SYT2: variants seen among roughly 807,000 people sequenced by gnomAD.
SYT2 encodes synaptotagmin-2.
In SYT2, 15 loss-of-function variants were observed where a neutral mutation model predicts 39.9. The ratio of observed to expected loss-of-function variants is 0.38; its 90% confidence interval spans 0.25 to 0.58. The LOEUF (loss-of-function observed/expected upper bound fraction) is 0.58, where lower values mean the gene tolerates loss of function less well. Ranked by LOEUF, SYT2 falls within the 20% of genes least tolerant of loss-of-function variation. The pLI is 0.70. For synonymous variants in SYT2, 181 were observed against 204.5 expected, an observed-to-expected ratio of 0.89 and a Z score of 0.98; for missense variants, 389 against 530.3, an observed-to-expected ratio of 0.73 and a Z score of 2.62.
intron 8 of SYT2, 86 bp from the exon 9 acceptor site, chr1:202,597,049 A>G (rs1345288941): frequency 1.8e-5 from 22 of 1,232,096 alleles, no homozygotes; most frequent in Admixed American, 3.8e-5. Flanking sequence ...TCTACTCCCA[A>G]TGATTGGGAA....
At chr1:202,684,687 G>A (rs1298735073) in intron 1 of SYT2, among the ~76,000 whole-genome samples, 2 of 152,124 alleles carry the variant, frequency 1.3e-5, no homozygotes, top group African/African-American at 4.8e-5. Context: ...GCTCCAATGT[G>A]CCCCTCACCC....
chr1:202,624,987 TGTG>T (rs1294863090), intron 1 of SYT2, among the ~76,000 whole-genome samples: 3 of 106,094 alleles, frequency 2.8e-5, no homozygotes, highest in Non-Finnish European at 5.8e-5. Flanking sequence ...GTGTGTGTAG[TGTG>T]GTGTGTGTCT....
At position 202,624,002 on chromosome 1, in the gene SYT2, A is replaced by C. The variant is rs1691272422; in HGVS notation, c.-17-18213T>G. Among the ~76,000 whole-genome samples the C allele has an allele frequency of 2.0e-5, 3 of 152,144 alleles. No homozygotes were observed. The South Asian group carries it at 6.2e-4, about 31-fold the overall frequency. ...GCTACAAACTGTTACAAATTGATGC[A>C]TTTTCTTTCTGACTAAATGTTACAA... On this transcript the variant is annotated intron_variant, in intron 1 of 8. Transcript: ENST00000367268.
chr1:202,677,377 C>T (rs1443138723), intron 1 of SYT2, among the ~76,000 whole-genome samples: 1 of 152,154 alleles, frequency 6.6e-6, no homozygotes, highest in South Asian at 2.1e-4. Flanking sequence ...ATGACTAAGG[C>T]TAGGTAATGA....
chr1:202,671,349 G>A (rs559943859), intron 1 of SYT2, among the ~76,000 whole-genome samples: 1 of 152,302 alleles, frequency 6.6e-6, no homozygotes, highest in African/African-American at 2.4e-5. Context: ...ACAGCACCAG[G>A]GCAGCCAACT....
intron 1 of SYT2, among the ~76,000 whole-genome samples, chr1:202,626,607 T>C (rs1325046271): frequency 1.3e-5 from 2 of 151,720 alleles, no homozygotes; most frequent in Non-Finnish European, 2.9e-5. Context: ...GCTCAAGCAA[T>C]TCACCTGCCT....
intron 1 of SYT2, chr1:202,632,706 C>T (rs1333326183): frequency 1.1e-5 from 4 of 361,024 alleles, no homozygotes; most frequent in Non-Finnish European, 1.5e-5. Flanking sequence ...AGAGGCTCCT[C>T]CTGATTTCCC....
intron 1 of SYT2, chr1:202,636,271 C>T (rs1691737742): frequency 1.5e-6 from 1 of 656,786 alleles, no homozygotes; most frequent in East Asian, 1.4e-4. Context: ...CCCAGAGCCA[C>T]CCAGAGTCCA....
intron 1 of SYT2, among the ~76,000 whole-genome samples, chr1:202,708,950 A>T (rs1654320631): frequency 6.6e-6 from 1 of 152,202 alleles, no homozygotes; most frequent in African/African-American, 2.4e-5. Context: ...ATGAAGTGCC[A>T]GGTTATGGGG....
At chr1:202,680,221 T>G (rs541390489) in intron 1 of SYT2, among the ~76,000 whole-genome samples, 1 of 152,190 alleles carries the variant, frequency 6.6e-6, no homozygotes, top group Admixed American at 6.5e-5. Flanking sequence ...ACCTGAAAAT[T>G]CAGAGGATTC....
intron 1 of SYT2, among the ~76,000 whole-genome samples, chr1:202,667,962 C>T (rs879902624): frequency 3.3e-5 from 5 of 152,150 alleles, no homozygotes; most frequent in Non-Finnish European, 7.4e-5. Context: ...CTGCCCACCT[C>T]GGCCTCCCAA....
At chr1:202,619,804 G>GC (rs1210832916) in intron 1 of SYT2, among the ~76,000 whole-genome samples, 1 of 152,238 alleles carries the variant, frequency 6.6e-6, no homozygotes, top group Non-Finnish European at 1.5e-5. Flanking sequence ...GGGCAGGCAG[G>GC]AGGACATTGG....
At chr1:202,657,292 G>T (rs1299255884) in intron 1 of SYT2, among the ~76,000 whole-genome samples, 1 of 152,182 alleles carries the variant, frequency 6.6e-6, no homozygotes, top group Non-Finnish European at 1.5e-5. Context: ...CAACCCACCA[G>T]AAGAGTCTCA....
intron 1 of SYT2, among the ~76,000 whole-genome samples, chr1:202,643,024 C>A (rs1186471494): frequency 6.6e-6 from 1 of 152,230 alleles, no homozygotes; most frequent in Non-Finnish European, 1.5e-5. Flanking sequence ...CAGGACACCT[C>A]CCCCGGGTCT....
chr1:202,605,511 C>G, intron 2 of SYT2, 84 bp downstream of exon 2: 1 of 1,326,768 alleles, frequency 7.5e-7, no homozygotes, highest in Non-Finnish European at 1.1e-6. Flanking sequence ...CCCAGCCAAT[C>G]ACATCCCAGT....
At chr1:202,689,889 G>A (rs774457004) in intron 1 of SYT2, among the ~76,000 whole-genome samples, 1 of 150,214 alleles carries the variant, frequency 6.7e-6, no homozygotes, top group African/African-American at 2.5e-5. Flanking sequence ...TCCCCCGGAA[G>A]TGCCCCCCTA....
At chr1:202,657,197 A>G (rs1692292348) in intron 1 of SYT2, among the ~76,000 whole-genome samples, 2 of 152,248 alleles carry the variant, frequency 1.3e-5, no homozygotes, top group Non-Finnish European at 2.9e-5. Flanking sequence ...GTCATGACAC[A>G]GAAGCCTTTT....
intron 1 of SYT2, among the ~76,000 whole-genome samples, chr1:202,704,467 G>A (rs374623712): frequency 2.0e-5 from 3 of 152,342 alleles, no homozygotes; most frequent in African/African-American, 7.2e-5. Context: ...GGAATGGGGT[G>A]CTCTGGCTCA....
rs1690172945 is a variant in SYT2, at chr1:202,592,841, G to C, written c.*3916C>G. Reference sequence around the variant, plus strand: ...TCCCAGACACAATGCAGGATGACCAGTTACATTTGAATTTCAGATAAACAA... The same window carrying C: ...TCCCAGACACAATGCAGGATGACCACTTACATTTGAATTTCAGATAAACAA... On this transcript the variant is annotated 3_prime_UTR_variant, in exon 9 of 9. Coordinates refer to ENST00000367268, the MANE Select transcript of SYT2 (RefSeq NM_177402.5). 1 of 152,182 alleles carries C rather than the reference G, an allele frequency of 6.6e-6. No homozygotes were observed. Among genetic ancestry groups the C allele is most frequent in the South Asian group, 2.1e-4 (1 of 4,832 alleles). 9.4% of individuals were successfully genotyped at this position (152,182 alleles called of 1,614,324 possible). A position where few individuals can be genotyped will look rare whatever the true frequency, so the allele number is the denominator to read the frequency against.
Sources: allele counts gnomAD v4.1 joint callset (sites outside exome capture counted in the v4.1 genomes callset), GRCh38; gene constraint gnomAD v4.1.1; transcripts MANE v1.5; gene names NCBI Gene and HGNC (gene_info 2026-07-23, HGNC 2026-07-21).